WARS2: variants seen among roughly 807,000 people sequenced by gnomAD.
WARS2 encodes tryptophanyl tRNA synthetase 2, mitochondrial.
Under a neutral mutation model 36.5 loss-of-function variants are expected in WARS2, and 28 were observed. The observed-to-expected ratio is 0.77, with a 90% CI of 0.57 to 1.05. The LOEUF is 1.05. Among genes scored for constraint, WARS2 ranks in the 50% least tolerant of loss-of-function variants. WARS2 has a pLI of 0.00. For synonymous variants in WARS2, 174 were observed against 178.4 expected, an observed-to-expected ratio of 0.98 and a Z score of 0.20; for missense variants, 435 against 456.8, an observed-to-expected ratio of 0.95 and a Z score of 0.44.
rs901744084 is a variant in WARS2 at position 119,075,180 on chromosome 1, A to T, written c.348+1170T>A. Among the ~76,000 whole-genome samples the T allele has an allele frequency of 3.9e-5, 6 of 152,250 alleles. No individual in the cohort carries two copies. The East Asian group carries it at 1.2e-3, about 29-fold the overall frequency. ...TATATATATACATATATATGAAATC[A>T]GTGTGTATTTAGGCATCAAAAAATA... On this transcript the variant is annotated intron_variant, in intron 2 of 5. Coordinates refer to ENST00000235521, the MANE Select transcript of WARS2 (RefSeq NM_015836.4).
chr1:119,049,336 A>G (rs1045411723), intron 2 of WARS2, among the ~76,000 whole-genome samples: 9 of 152,110 alleles, frequency 5.9e-5, no homozygotes, highest in Non-Finnish European at 1.2e-4. Context: ...CCGTATTTCA[A>G]TAGTTTCTCT....
intron 2 of WARS2, among the ~76,000 whole-genome samples, chr1:119,068,431 T>C (rs1035671035): frequency 6.6e-6 from 1 of 152,196 alleles, no homozygotes; most frequent in Admixed American, 6.5e-5. Flanking sequence ...TCATTACTGA[T>C]TTTTGTTTCC....
intron 1 of WARS2, among the ~76,000 whole-genome samples, chr1:119,112,879 T>C (rs868355306): frequency 2.0e-4 from 30 of 152,210 alleles, no homozygotes; most frequent in Middle Eastern, 3.4e-3. Context: ...GAAGAGTAAG[T>C]GGGGGTTTGC....
chr1:119,086,034 A>C, intron 1 of WARS2: 1 of 1,460,434 alleles, frequency 6.8e-7, no homozygotes, highest in African/African-American at 1.4e-5. Context: ...AATTTTTTAA[A>C]TTTCTCGTAG....
At chr1:119,075,154 G>GTATATATATATATATA (rs774946774) in intron 2 of WARS2, among the ~76,000 whole-genome samples, 1,858 of 150,822 alleles carry the variant, frequency 0.012, 46 homozygotes, top group East Asian at 0.038. Context: ...AAAAATTAGT[G>GTATATATATATATATA]TATATATATA....
intron 1 of WARS2, among the ~76,000 whole-genome samples, chr1:119,131,623 C>T (rs1343801708): frequency 6.6e-6 from 1 of 152,018 alleles, no homozygotes; most frequent in Non-Finnish European, 1.5e-5. Flanking sequence ...CCACCACGCC[C>T]GGCTAATTTG....
chr1:119,105,355 G>A (rs930422439), intron 1 of WARS2, among the ~76,000 whole-genome samples: 1 of 152,146 alleles, frequency 6.6e-6, no homozygotes, highest in African/African-American at 2.4e-5. Context: ...TGTTAATTAG[G>A]TAAATGGAGA....
At chr1:119,135,928 G>A (rs1424011130) in intron 1 of WARS2, among the ~76,000 whole-genome samples, 2 of 151,878 alleles carry the variant, frequency 1.3e-5, no homozygotes, top group Non-Finnish European at 2.9e-5. Context: ...ATGCCACTAA[G>A]CCCAGCTAAT....
At chr1:119,069,577 A>C (rs1651138035) in intron 2 of WARS2, among the ~76,000 whole-genome samples, 1 of 152,232 alleles carries the variant, frequency 6.6e-6, no homozygotes, top group South Asian at 2.1e-4. Flanking sequence ...CATTGGTAGA[A>C]GGTAATCAGA....
chr1:119,101,598 C>T (rs180679842), intron 1 of WARS2, among the ~76,000 whole-genome samples: 4 of 152,252 alleles, frequency 2.6e-5, no homozygotes, highest in Admixed American at 6.5e-5. Context: ...GAAGTAAACC[C>T]ACATGTCCTC....
chr1:119,130,035 C>T lies in WARS2; in HGVS notation c.90+10520G>A, dbSNP rs587750971. ...TACATCGTGTAACGGTGCAGTGAGA[C>T]CTAGGGCTGTTCTCTCCATCTATGC... On this transcript the variant is annotated intron_variant, in intron 1 of 5. Coordinates refer to ENST00000235521, the MANE Select transcript of WARS2 (RefSeq NM_015836.4). 3.0e-4 allele frequency among the ~76,000 whole-genome samples: 46 copies of T among 152,104 alleles called. 1 individual carries two copies. Among genetic ancestry groups the T allele is most frequent in the African/African-American group, 9.6e-4 (40 of 41,490 alleles).
At chr1:119,076,050 C>A (rs1002871758) in intron 2 of WARS2, among the ~76,000 whole-genome samples, 2 of 152,136 alleles carry the variant, frequency 1.3e-5, no homozygotes, top group African/African-American at 4.8e-5. Flanking sequence ...TTGAAAGCAA[C>A]CCAGCATAGC....
chr1:119,079,203 C>T (rs887261493), intron 1 of WARS2, among the ~76,000 whole-genome samples: 3 of 152,086 alleles, frequency 2.0e-5, no homozygotes, highest in Non-Finnish European at 1.5e-5. Context: ...TATGAAGAAT[C>T]TGGTAAGGGT....
chr1:119,135,495 C>T (rs1383821821), intron 1 of WARS2, among the ~76,000 whole-genome samples: 1 of 152,180 alleles, frequency 6.6e-6, no homozygotes, highest in Non-Finnish European at 1.5e-5. Context: ...TGTGTCACTG[C>T]TATTTACTTA....
intron 2 of WARS2, among the ~76,000 whole-genome samples, chr1:119,048,399 A>C: frequency 6.6e-6 from 1 of 152,246 alleles, no homozygotes; most frequent in East Asian, 1.9e-4. Flanking sequence ...GTAACTACTC[A>C]ATAAATGGTG....
intron 1 of WARS2, among the ~76,000 whole-genome samples, chr1:119,121,145 C>A (rs990689621): frequency 6.6e-6 from 1 of 151,954 alleles, no homozygotes; most frequent in African/African-American, 2.4e-5. Context: ...CCTAGAAAAC[C>A]CAAAGATTCA....
At chr1:119,105,412 T>G (rs587694327) in intron 1 of WARS2, among the ~76,000 whole-genome samples, 97 of 152,232 alleles carry the variant, frequency 6.4e-4, no homozygotes, top group African/African-American at 1.7e-3. Context: ...TCAAAAATCA[T>G]CAGCATATTC....
chr1:119,132,325 C>CA (rs1656172650), intron 1 of WARS2, among the ~76,000 whole-genome samples: 2 of 152,108 alleles, frequency 1.3e-5, no homozygotes, highest in Admixed American at 6.6e-5. Context: ...GGAAGGTTGC[C>CA]AGCCATGGGA....
At chr1:119,059,404 G>A (rs1005108195) in intron 2 of WARS2, among the ~76,000 whole-genome samples, 21 of 143,504 alleles carry the variant, frequency 1.5e-4, no homozygotes, top group African/African-American at 5.2e-4. Context: ...GAATGGTAAT[G>A]CCTAGGTTTT....
Sources: gnomAD v4.1 joint callset for allele counts (sites outside exome capture counted in the v4.1 genomes callset) on GRCh38, gnomAD v4.1.1 for gene constraint, MANE v1.5 for transcripts, NCBI Gene and HGNC (gene_info 2026-07-23, HGNC 2026-07-21) for gene names.